PDE8A: variants seen among roughly 807,000 people sequenced by gnomAD.
PDE8A encodes the protein phosphodiesterase 8A.
PDE8A carries 59 observed loss-of-function variants against 105.0 expected under a neutral mutation model. The ratio of observed to expected loss-of-function variants is 0.56; its 90% CI spans 0.46 to 0.70. The LOEUF (loss-of-function observed/expected upper bound fraction) is 0.70, where lower values mean the gene tolerates loss of function less well. Ranked by LOEUF, PDE8A falls within the 30% of genes least tolerant of loss-of-function variation. The pLI is 0.00. For synonymous variants in PDE8A, 355 were observed against 371.9 expected, an observed-to-expected ratio of 0.95 and a Z score of 0.52; for missense variants, 1,014 against 1,045.9, an observed-to-expected ratio of 0.97 and a Z score of 0.42.
At chr15:85,040,369 C>CT (rs1283049619) in intron 1 of PDE8A, among the ~76,000 whole-genome samples, 14 of 115,536 alleles carry the variant, frequency 1.2e-4, no homozygotes, top group Admixed American at 7.4e-4. Flanking sequence ...GACCTCTTCT[C>CT]TAAAAAAAAA....
chr15:84,987,955 T>A (rs2079830299), intron 1 of PDE8A, among the ~76,000 whole-genome samples: 1 of 152,212 alleles, frequency 6.6e-6, no homozygotes, highest in Non-Finnish European at 1.5e-5. Flanking sequence ...GGCTTCATCC[T>A]GGTTTCTCAG....
chr15:85,068,246 G>A (rs11634877), intron 3 of PDE8A, among the ~76,000 whole-genome samples: 31,478 of 151,850 alleles, frequency 0.21, 4,292 homozygotes, highest in Middle Eastern at 0.33. Context: ...GACCATATTG[G>A]CCAGGCTGGT....
At chr15:85,116,305 G>T in intron 16 of PDE8A, 186 bp downstream of exon 16, 1 of 566,092 alleles carries the variant, frequency 1.8e-6, no homozygotes, top group Non-Finnish European at 3.1e-6. Flanking sequence ...GCTGGCCACA[G>T]TGATGGCACA....
At chr15:85,123,788 T>G (rs935520048) in intron 19 of PDE8A, among the ~76,000 whole-genome samples, 1 of 152,174 alleles carries the variant, frequency 6.6e-6, no homozygotes, top group African/African-American at 2.4e-5. Flanking sequence ...TGAATTTAGT[T>G]TTTATTGGTT....
At chr15:85,075,567 G>T (rs1278759209) in intron 3 of PDE8A, among the ~76,000 whole-genome samples, 1 of 152,174 alleles carries the variant, frequency 6.6e-6, no homozygotes, top group Non-Finnish European at 1.5e-5. Context: ...AAAATACTCC[G>T]CCTGAAACAA....
At chr15:85,055,065 A>G (rs1399605638) in intron 1 of PDE8A, among the ~76,000 whole-genome samples, 1 of 150,500 alleles carries the variant, frequency 6.6e-6, no homozygotes, top group African/African-American at 2.4e-5. Flanking sequence ...TCATTTCGTT[A>G]TGTATCCAGT....
At chr15:85,002,305 G>C (rs2080080010) in intron 1 of PDE8A, among the ~76,000 whole-genome samples, 1 of 152,162 alleles carries the variant, frequency 6.6e-6, no homozygotes, top group East Asian at 1.9e-4. Context: ...TTGCTAGACT[G>C]GCTCACAGTT....
rs1158940179 is a variant in PDE8A at position 85,102,174 on chromosome 15, C to CTCCAGAGA, written c.1036+1977_1036+1984dup. Reference sequence around the variant, plus strand: ...AGGTGGATTCCTAGAGACCACCCACCTCCAGAGAAGGAGGAAACAGAAGCA... The same window carrying CTCCAGAGA: ...AGGTGGATTCCTAGAGACCACCCACCTCCAGAGATCCAGAGAAGGAGGAAACAGAAGCA... On this transcript the variant is annotated intron_variant, in intron 11 of 21. Coordinates refer to ENST00000394553, the MANE Select transcript of PDE8A (RefSeq NM_002605.3). 4.6e-5 allele frequency among the ~76,000 whole-genome samples: 7 copies of CTCCAGAGA among 151,958 alleles called. No individual in the cohort carries two copies. In the East Asian group the frequency reaches 9.6e-4, roughly 21 times the overall value.
chr15:85,111,565 C>T (rs114078418), intron 12 of PDE8A, among the ~76,000 whole-genome samples: 134 of 152,342 alleles, frequency 8.8e-4, no homozygotes, highest in Middle Eastern at 6.8e-3. Context: ...TGTTTGTTTA[C>T]GCTTGTACCA....
intron 8 of PDE8A, among the ~76,000 whole-genome samples, chr15:85,095,414 G>A (rs1043819270): frequency 6.6e-6 from 1 of 152,044 alleles, no homozygotes; most frequent in South Asian, 2.1e-4. Flanking sequence ...GGTGATATCG[G>A]CTCACTGCAA....
intron 1 of PDE8A, among the ~76,000 whole-genome samples, chr15:84,987,166 T>C (rs946025893): frequency 6.6e-6 from 1 of 152,254 alleles, no homozygotes; most frequent in African/African-American, 2.4e-5. Context: ...TTTCAGTATA[T>C]AGAAAGATAT....
chr15:85,099,954 A>C, intron 9 of PDE8A, 61 bp from the exon 10 acceptor site: 1 of 1,363,216 alleles, frequency 7.3e-7, no homozygotes, highest in South Asian at 1.2e-5. Context: ...TGAAAAATTA[A>C]CGACATATCC....
chr15:85,039,020 C>T (rs28765192), intron 1 of PDE8A, among the ~76,000 whole-genome samples: 1 of 151,792 alleles, frequency 6.6e-6, no homozygotes, highest in Non-Finnish European at 1.5e-5. Flanking sequence ...ACTTGGGAGG[C>T]TGAGGCAGGA....
intron 3 of PDE8A, among the ~76,000 whole-genome samples, chr15:85,070,154 A>G (rs775199719): frequency 6.6e-6 from 1 of 152,190 alleles, no homozygotes; most frequent in East Asian, 1.9e-4. Context: ...TACCTAATCA[A>G]CACTGCCTAT....
chr15:84,982,952 A>G (rs2079743010), intron 1 of PDE8A, among the ~76,000 whole-genome samples: 1 of 152,226 alleles, frequency 6.6e-6, no homozygotes, highest in South Asian at 2.1e-4. Context: ...TGTAATTAGA[A>G]AATACTGTGA....
intron 1 of PDE8A, among the ~76,000 whole-genome samples, chr15:85,041,523 A>G (rs1189734320): frequency 6.6e-6 from 1 of 152,242 alleles, no homozygotes. Context: ...TGCACTTATG[A>G]CTACTACGAT....
intron 1 of PDE8A, among the ~76,000 whole-genome samples, chr15:85,050,984 A>G (rs2080963950): frequency 6.6e-6 from 1 of 152,194 alleles, no homozygotes; most frequent in South Asian, 2.1e-4. Flanking sequence ...TTAATTTTTC[A>G]GCAATATTTT....
At chr15:85,081,044 C>G (rs1236601529) in intron 5 of PDE8A, among the ~76,000 whole-genome samples, 1 of 152,208 alleles carries the variant, frequency 6.6e-6, no homozygotes, top group Admixed American at 6.5e-5. Context: ...GAGTCTCTTA[C>G]TTTTGTGTGA....
At chr15:85,000,403 A>G (rs371188754) in intron 1 of PDE8A, among the ~76,000 whole-genome samples, 58 of 152,330 alleles carry the variant, frequency 3.8e-4, no homozygotes, top group Admixed American at 1.2e-3. Context: ...TTGTCTTGCA[A>G]GGCCAAGAAT....
Sources: gnomAD v4.1 joint callset for allele counts (sites outside exome capture counted in the v4.1 genomes callset) on GRCh38, gnomAD v4.1.1 for gene constraint, MANE v1.5 for transcripts, NCBI Gene and HGNC (gene_info 2026-07-23, HGNC 2026-07-21) for gene names.